The following CFAP251 variants were observed in gnomAD, a reference collection of about 807,000 sequenced individuals.
The protein encoded by CFAP251 is cilia and flagella associated protein 251.
In CFAP251, 93 loss-of-function variants were observed where a neutral mutation model predicts 126.7. That is an observed-to-expected ratio of 0.73 (90% CI 0.62 to 0.87). CFAP251 has a LOEUF of 0.87. CFAP251 is among the 40% of genes least tolerant of loss of function. The pLI, the probability that CFAP251 is intolerant of heterozygous loss-of-function variation, is 0.00. For missense variants in CFAP251, 1,287 were observed against 1,389.2 expected (o/e 0.93, Z 1.17); for synonymous variants, 503 against 506.9 (o/e 0.99, Z 0.10).
At chr12:121,967,657 G>A (rs368800953) in intron 16 of CFAP251, among the ~76,000 whole-genome samples, 8 of 152,310 alleles carry the variant, frequency 5.3e-5, no homozygotes, top group East Asian at 1.9e-4. Context: ...AGCCGAGATC[G>A]CGCCACTGCA....
rs759735665 is a variant in CFAP251 at position 121,923,892 on chromosome 12, A to G, written c.649A>G (p.Ile217Val). 6.2e-7 allele frequency: 1 copy of G among 1,614,154 alleles called. No individual in the cohort carries two copies. Among genetic ancestry groups the G allele is most frequent in the South Asian group, 1.1e-5 (1 of 91,070 alleles). ...GGGACAAGAAAGGAGAGTATCCGAC[A>G]TCCAGTCCAAAGCAGGGATCTCCCG... ...EEGQERRVSD[I>V]QSKAGISRES... Residue 217 changes from isoleucine to valine, a missense_variant, in exon 3 of 22, where the codon ATC (isoleucine) becomes GTC (valine). Ile to Val is a conservative substitution (Grantham distance 29, BLOSUM62 3). Transcript: ENST00000288912.
In CFAP251 at chr12:121,961,872, T is replaced by C; in HGVS notation, c.2308-106T>C. ...GATACCGTCTCCCCCAGAACAGCAC[T>C]GTTGGCTGATAATTATAAAGGCTGT... On this transcript the variant is annotated intron_variant, in intron 14 of 21. Transcript: ENST00000288912. The C allele has an allele frequency of 3.4e-6, 4 of 1,191,634 alleles. No homozygotes were observed. The South Asian group carries it at 4.4e-5, about 13-fold the overall frequency. The allele number at this position is 1,191,634 out of a possible 1,614,324, so 73.8% of individuals were successfully genotyped here.
At chr12:121,988,747 CTT>C (rs199716724) in intron 19 of CFAP251, among the ~76,000 whole-genome samples, 27 of 138,936 alleles carry the variant, frequency 1.9e-4, no homozygotes, top group Middle Eastern at 3.4e-3. Context: ...TTTTTTTTCT[CTT>C]TTTTTTTTTT....
In CFAP251 at chr12:121,995,679, T is replaced by G. The variant is rs535998685; in HGVS notation, c.3007-4037T>G. ...TTTTTAGATTTTAGTGGAGATGAGGTCTCATTATGTTGCCCAGGCTGGTCT... is the reference window on the plus strand; with the variant it reads ...TTTTTAGATTTTAGTGGAGATGAGGGCTCATTATGTTGCCCAGGCTGGTCT... On this transcript the variant is annotated intron_variant, in intron 19 of 21. Coordinates refer to ENST00000288912, the MANE Select transcript of CFAP251 (RefSeq NM_144668.6). 8.5e-5 allele frequency among the ~76,000 whole-genome samples: 13 copies of G among 152,050 alleles called. No homozygotes were observed. In the South Asian group the frequency reaches 2.5e-3, roughly 29 times the overall value.
chr12:121,971,195 C>T (rs1882318624), intron 17 of CFAP251, among the ~76,000 whole-genome samples: 1 of 152,238 alleles, frequency 6.6e-6, no homozygotes, highest in African/African-American at 2.4e-5. Context: ...TGGGCCTGGG[C>T]CTGGCCTGGA....
intron 19 of CFAP251, among the ~76,000 whole-genome samples, chr12:121,976,043 C>T (rs537099319): frequency 6.7e-6 from 1 of 150,250 alleles, no homozygotes; most frequent in East Asian, 2.0e-4. Flanking sequence ...GAGTCTCCCT[C>T]TGTCACGCAG....
At chr12:121,962,685 G>A (rs1881980437) in intron 15 of CFAP251, among the ~76,000 whole-genome samples, 1 of 136,266 alleles carries the variant, frequency 7.3e-6, no homozygotes. Context: ...TGGTAATCAG[G>A]TCTGTGCAAA....
At chr12:121,984,958 G>T (rs1339123688) in intron 19 of CFAP251, among the ~76,000 whole-genome samples, 5 of 152,140 alleles carry the variant, frequency 3.3e-5, no homozygotes, top group Non-Finnish European at 7.4e-5. Context: ...CATGGTGGAC[G>T]CTTGGCAAAT....
Position 121,968,074 on chromosome 12 carries a change from CGGG to C in CFAP251, c.2678_2680del (p.Gly893del), listed in dbSNP as rs1565916988. ...CATCTGCTATTGTTTGCCACCCGAA[CGGG>C]GTGGCCGGCATGGCCGTTTCCTATG... On this transcript the variant is annotated inframe_deletion, in exon 17 of 22. Transcript: ENST00000288912. 1 of 1,613,618 alleles carries C rather than the reference CGGG, an allele frequency of 6.2e-7. No homozygotes were observed. Among genetic ancestry groups the C allele is most frequent in the Admixed American group, 1.7e-5 (1 of 60,018 alleles).
In CFAP251 at chr12:121,923,733, A is replaced by G. The variant is rs1565900756; in HGVS notation, c.490A>G (p.Ile164Val). The G allele has an allele frequency of 6.2e-7, 1 of 1,614,196 alleles. No individual in the cohort carries two copies. The highest frequency in any genetic ancestry group is 1.3e-5 in the African/African-American group (1 of 75,048). The part of the protein sequence containing the change: ...TQIEFLDLDQ[I>V]SPEEQQISSP... ...AATTGAATTTCTTGATTTGGATCAAATCAGTCCTGAGGAACAACAGATTAG... is the reference window on the plus strand; with the variant it reads ...AATTGAATTTCTTGATTTGGATCAAGTCAGTCCTGAGGAACAACAGATTAG... Residue 164 changes from isoleucine to valine, a missense_variant, in exon 3 of 22, where the codon ATC (isoleucine) becomes GTC (valine). Ile to Val is a conservative substitution (Grantham distance 29, BLOSUM62 3). Coordinates refer to ENST00000288912, the MANE Select transcript of CFAP251 (RefSeq NM_144668.6).
chr12:121,982,428 G>A (rs1257807361), intron 19 of CFAP251, among the ~76,000 whole-genome samples: 1 of 151,182 alleles, frequency 6.6e-6, no homozygotes, highest in Non-Finnish European at 1.5e-5. Context: ...TGCCCAGGCT[G>A]GAGTGCAATG....
Position 121,931,860 on chromosome 12 carries a change from T to C in CFAP251, c.862T>C (p.Phe288Leu). ...TCACACTGCGATCATCTACAACGTG[T>C]TCAGGAACAATCAATACCACCTTCA... ...CAHTAIIYNVFRNNQYHLQGH... is the reference protein window; with the variant it reads ...CAHTAIIYNVLRNNQYHLQGH... Residue 288 changes from phenylalanine to leucine, a missense_variant, in exon 4 of 22, where the codon TTC (phenylalanine) becomes CTC (leucine). Coordinates refer to ENST00000288912, the MANE Select transcript of CFAP251 (RefSeq NM_144668.6). 1 of 1,584,092 alleles carries C rather than the reference T, an allele frequency of 6.3e-7. No individual in the cohort carries two copies. The highest frequency in any genetic ancestry group is 8.6e-7 in the Non-Finnish European group (1 of 1,167,232).
At chr12:121,924,521 C>T (rs916195866) in intron 3 of CFAP251, among the ~76,000 whole-genome samples, 3 of 149,990 alleles carry the variant, frequency 2.0e-5, no homozygotes, top group Non-Finnish European at 4.4e-5. Context: ...CAACCTCCGC[C>T]TCCCGGGTTC....
chr12:122,001,881 C>T (rs1277867092), intron 21 of CFAP251: 3 of 431,098 alleles, frequency 7.0e-6, no homozygotes, highest in South Asian at 2.4e-5. Context: ...ATTGGCCACC[C>T]GTAGAGGATC....
chr12:121,969,656 T>A (rs1233420550), intron 17 of CFAP251: 9 of 849,088 alleles, frequency 1.1e-5, no homozygotes, highest in African/African-American at 3.7e-5. Context: ...TGGCTAACTT[T>A]AAAAAAATTT....
intron 21 of CFAP251, among the ~76,000 whole-genome samples, chr12:122,002,852 AGAC>A (rs1412831162): frequency 6.6e-6 from 1 of 152,088 alleles, no homozygotes; most frequent in Non-Finnish European, 1.5e-5. Flanking sequence ...GAGGGTGCAA[AGAC>A]CCCTCACCCA....
At chr12:121,965,800 A>T (rs1324138705) in intron 15 of CFAP251, among the ~76,000 whole-genome samples, 2 of 144,548 alleles carry the variant, frequency 1.4e-5, no homozygotes, top group African/African-American at 2.6e-5. Context: ...GGAGATATAG[A>T]TTTTCTCCTT....
At chr12:121,926,195 C>T (rs753776293) in intron 3 of CFAP251, among the ~76,000 whole-genome samples, 4 of 152,038 alleles carry the variant, frequency 2.6e-5, no homozygotes, top group South Asian at 4.2e-4. Flanking sequence ...TGCTGTGTTG[C>T]CCAGGCTGGA....
At chr12:121,936,008 T>C (rs1048041299) in intron 5 of CFAP251, among the ~76,000 whole-genome samples, 1 of 152,216 alleles carries the variant, frequency 6.6e-6, no homozygotes, top group African/African-American at 2.4e-5. Flanking sequence ...TTCCGTGGGC[T>C]TGGGCAGTGC....
Sources: allele counts gnomAD v4.1 joint callset (sites outside exome capture counted in the v4.1 genomes callset), GRCh38; gene constraint gnomAD v4.1.1; transcripts MANE v1.5; gene names NCBI Gene and HGNC (gene_info 2026-07-23, HGNC 2026-07-21).